The following QRFPR variants were observed in gnomAD, a reference collection of about 807,000 sequenced individuals.
QRFPR encodes the protein pyroglutamylated RF-amide peptide receptor.
Under a neutral mutation model 31.3 loss-of-function variants are expected in QRFPR, and 37 were observed. That is an observed-to-expected ratio of 1.18 (90% CI 0.91 to 1.56). The LOEUF (loss-of-function observed/expected upper bound fraction) is 1.56, where lower values mean the gene tolerates loss of function less well. Among genes scored for constraint, QRFPR ranks in the 40% most tolerant of loss-of-function variants. The pLI, the probability that QRFPR is intolerant of heterozygous loss-of-function variation, is 0.00. For synonymous variants in QRFPR, 197 were observed against 192.0 expected (o/e 1.03, Z -0.22); for missense variants, 542 against 532.5 (o/e 1.02, Z -0.18).
intron 1 of QRFPR, 80 bp from the exon 2 acceptor site, chr4:121,340,690 A>G (rs943391341): frequency 5.6e-5 from 78 of 1,385,730 alleles, no homozygotes; most frequent in Non-Finnish European, 7.5e-5. Context: ...AATTATCACT[A>G]TCAGTCCATT....
intron 1 of QRFPR, among the ~76,000 whole-genome samples, chr4:121,341,671 G>C (rs889837449): frequency 1.1e-4 from 16 of 152,108 alleles, no homozygotes; most frequent in Non-Finnish European, 2.2e-4. Flanking sequence ...ACGTGTGTAA[G>C]GTATATAAGA....
chr4:121,362,623 A>C (rs1337104755), intron 1 of QRFPR, among the ~76,000 whole-genome samples: 1 of 150,314 alleles, frequency 6.7e-6, no homozygotes, highest in East Asian at 2.0e-4. Flanking sequence ...GGGAAAGAAC[A>C]GATGAATAGA....
intron 1 of QRFPR, among the ~76,000 whole-genome samples, chr4:121,349,305 A>G (rs1380360897): frequency 1.3e-5 from 2 of 151,794 alleles, no homozygotes; most frequent in Non-Finnish European, 2.9e-5. Flanking sequence ...TCTGTGTTTT[A>G]ATTTGTTCCT....
At chr4:121,345,531 G>C (rs1430371799) in intron 1 of QRFPR, among the ~76,000 whole-genome samples, 1 of 152,188 alleles carries the variant, frequency 6.6e-6, no homozygotes, top group Non-Finnish European at 1.5e-5. Context: ...TGTTCTCTCT[G>C]TGTGTACTGT....
intron 1 of QRFPR, among the ~76,000 whole-genome samples, chr4:121,359,836 C>T (rs986026760): frequency 6.6e-6 from 1 of 150,820 alleles, no homozygotes; most frequent in Non-Finnish European, 1.5e-5. Flanking sequence ...TATCTCTCTC[C>T]TATTAGTTCT....
Position 121,380,859 on chromosome 4 carries a change from C to T in QRFPR, c.-212G>A, listed in dbSNP as rs1463097959. ...AAACCCACGATAAAGAGGCGGGAAG[C>T]CAAAGCACTGGGAGACTCGATCTCA... is the stretch of plus-strand genomic sequence containing the variant. On this transcript the variant is annotated 5_prime_UTR_variant, in exon 1 of 6. Transcript: ENST00000394427. The T allele has an allele frequency of 1.6e-5, 9 of 546,364 alleles. No homozygotes were observed. Among genetic ancestry groups the T allele is most frequent in the Non-Finnish European group, 2.9e-5 (9 of 311,246 alleles). 33.8% of individuals were successfully genotyped at this position (546,364 alleles called of 1,614,324 possible).
intron 1 of QRFPR, among the ~76,000 whole-genome samples, chr4:121,365,614 A>T (rs867239432): frequency 0.13 from 725 of 5,572 alleles, 114 homozygotes; most frequent in African/African-American, 0.3. Flanking sequence ...TATATATATT[A>T]TATATATTAT....
At chr4:121,371,816 T>G (rs928018039) in intron 1 of QRFPR, among the ~76,000 whole-genome samples, 1 of 152,148 alleles carries the variant, frequency 6.6e-6, no homozygotes, top group Non-Finnish European at 1.5e-5. Context: ...GCTAACAGGG[T>G]CCCAAGTGTC....
chr4:121,350,696 C>A (rs992466621), intron 1 of QRFPR, among the ~76,000 whole-genome samples: 3 of 152,132 alleles, frequency 2.0e-5, no homozygotes, highest in Non-Finnish European at 4.4e-5. Context: ...TAGCTTGATA[C>A]TTTTCCTATA....
Position 121,329,084 on chromosome 4 carries a change from T to TGAA in QRFPR, c.*227_*229dup. 1 of 404,260 alleles carries TGAA rather than the reference T, an allele frequency of 2.5e-6. No homozygotes were observed. The highest frequency in any genetic ancestry group is 5.7e-5 in the South Asian group (1 of 17,524). The allele number at this position is 404,260 out of a possible 1,614,324, so 25.0% of individuals were successfully genotyped here. ...TGTTGCTTTTTTAAGGCTAGTCAAGTGAAGCAGTGGGAATGAGAAGGAACA... is the reference window on the plus strand; with the variant it reads ...TGTTGCTTTTTTAAGGCTAGTCAAGTGAAGAAGCAGTGGGAATGAGAAGGAACA... On this transcript the variant is annotated 3_prime_UTR_variant, in exon 6 of 6. Transcript: ENST00000394427.
chr4:121,331,739 G>A (rs1047994062), intron 4 of QRFPR, among the ~76,000 whole-genome samples: 6 of 151,418 alleles, frequency 4.0e-5, no homozygotes, highest in East Asian at 3.9e-4. Context: ...TGCAACCTCA[G>A]TCCATCAGGT....
chr4:121,335,502 T>A (rs961380892), intron 3 of QRFPR, among the ~76,000 whole-genome samples: 17 of 141,152 alleles, frequency 1.2e-4, no homozygotes, highest in Admixed American at 7.7e-4. Context: ...TTGATTCCAG[T>A]GACATCTGCC....
chr4:121,340,510 A>G lies in QRFPR; in HGVS notation c.441T>C (p.Leu147=), dbSNP rs200140863. 2 of 1,613,948 alleles carry G rather than the reference A, an allele frequency of 1.2e-6. No individual in the cohort carries two copies. The highest frequency in any genetic ancestry group is 1.7e-6 in the Non-Finnish European group (2 of 1,179,960). ...TCIAVERHQG[L]VHPFKMKWQY... ...GCCACTTCATTTTAAAAGGATGCAC[A>G]AGTCCCTGGTGCCTTTCCACAGCAA... The change falls in exon 2 of 6, where the codon CTT becomes CTC. Residue 147 remains leucine, a synonymous_variant. Transcript: ENST00000394427.
chr4:121,341,790 G>A (rs957387765), intron 1 of QRFPR, among the ~76,000 whole-genome samples: 1 of 152,106 alleles, frequency 6.6e-6, no homozygotes, highest in African/African-American at 2.4e-5. Context: ...AAACACCTCT[G>A]GTCTCAAGCA....
chr4:121,358,176 C>G (rs1032126420), intron 1 of QRFPR, among the ~76,000 whole-genome samples: 1 of 152,084 alleles, frequency 6.6e-6, no homozygotes, highest in Non-Finnish European at 1.5e-5. Flanking sequence ...AAAACCATGC[C>G]TTAAAGTAAT....
chr4:121,347,941 T>C (rs114589222), intron 1 of QRFPR, among the ~76,000 whole-genome samples: 2,129 of 152,306 alleles, frequency 0.014, 56 homozygotes, highest in African/African-American at 0.048. Flanking sequence ...TATATTTATG[T>C]CTCTAAAGCA....
At chr4:121,341,127 T>C (rs1725536622) in intron 1 of QRFPR, among the ~76,000 whole-genome samples, 1 of 152,266 alleles carries the variant, frequency 6.6e-6, no homozygotes, top group Non-Finnish European at 1.5e-5. Flanking sequence ...TTACTTTCTC[T>C]AATGCAACGG....
chr4:121,369,594 G>C lies in QRFPR; in HGVS notation c.340+10714C>G, dbSNP rs565309107. 8.4e-5 allele frequency: 135 copies of C among 1,611,550 alleles called. No homozygotes were observed. The South Asian group carries it at 1.4e-3, about 16-fold the overall frequency. ...GCCTGGGCACGGATCAGTTCCATTG[G>C]AGAGGGCTTCTGGGCTCCTCGGTAG... On this transcript the variant is annotated intron_variant, in intron 1 of 5. Transcript: ENST00000394427.
intron 1 of QRFPR, among the ~76,000 whole-genome samples, chr4:121,349,249 A>G (rs894482326): frequency 1.3e-5 from 2 of 152,010 alleles, no homozygotes; most frequent in Non-Finnish European, 1.5e-5. Context: ...CTTTTTCCAT[A>G]GCCCTGTGTG....
Sources: allele counts gnomAD v4.1 joint callset (sites outside exome capture counted in the v4.1 genomes callset), GRCh38; gene constraint gnomAD v4.1.1; transcripts MANE v1.5; gene names NCBI Gene and HGNC (gene_info 2026-07-23, HGNC 2026-07-21).